The following TMEM131L variants were observed in gnomAD, a reference collection of about 807,000 sequenced individuals.
TMEM131L encodes transmembrane protein 131-like.
A neutral mutation model predicts 192.2 loss-of-function variants in TMEM131L; 54 were observed. The ratio of observed to expected loss-of-function variants is 0.28; its 90% CI spans 0.23 to 0.35. The LOEUF (loss-of-function observed/expected upper bound fraction) is 0.35. TMEM131L is among the 10% of genes least tolerant of loss of function. The pLI is 1.00. For synonymous variants in TMEM131L, 701 were observed against 704.9 expected, an observed-to-expected ratio of 0.99 and a Z score of 0.09; for missense variants, 1,888 against 1,972.9, an observed-to-expected ratio of 0.96 and a Z score of 0.82.
At chr4:153,519,291 G>T (rs1378150306) in intron 3 of TMEM131L, among the ~76,000 whole-genome samples, 5 of 152,154 alleles carry the variant, frequency 3.3e-5, no homozygotes, top group Non-Finnish European at 7.3e-5. Flanking sequence ...GTTGCAGCTT[G>T]GGGCCAAGCT....
chr4:153,522,493 C>A (rs1192046766), intron 3 of TMEM131L, among the ~76,000 whole-genome samples: 3 of 152,108 alleles, frequency 2.0e-5, no homozygotes, highest in African/African-American at 7.2e-5. Context: ...CCCTGGGACT[C>A]GGTCTGTGTG....
intron 3 of TMEM131L, among the ~76,000 whole-genome samples, chr4:153,498,965 T>G (rs1580076665): frequency 6.6e-6 from 1 of 152,372 alleles, no homozygotes; most frequent in East Asian, 1.9e-4. Flanking sequence ...TTGGGGTATG[T>G]AAGCCTGGAA....
intron 3 of TMEM131L, among the ~76,000 whole-genome samples, chr4:153,549,148 G>A (rs576786543): frequency 3.3e-5 from 5 of 151,904 alleles, no homozygotes; most frequent in Non-Finnish European, 5.9e-5. Flanking sequence ...AAATTTTTTA[G>A]TAGAGATAGG....
At chr4:153,621,411 G>C (rs1486965155) in intron 27 of TMEM131L, among the ~76,000 whole-genome samples, 1 of 152,206 alleles carries the variant, frequency 6.6e-6, no homozygotes, top group Non-Finnish European at 1.5e-5. Context: ...TGACAAGCTG[G>C]TAAGGGGCAG....
chr4:153,491,018 C>T (rs1027657089), intron 3 of TMEM131L, among the ~76,000 whole-genome samples: 3 of 151,718 alleles, frequency 2.0e-5, no homozygotes, highest in East Asian at 3.9e-4. Flanking sequence ...AACAAGACCC[C>T]GTTCAGAGAT....
chr4:153,606,604 T>C (rs1254820635), intron 25 of TMEM131L, among the ~76,000 whole-genome samples: 1 of 152,218 alleles, frequency 6.6e-6, no homozygotes, highest in Non-Finnish European at 1.5e-5. Flanking sequence ...TGAGTAAATT[T>C]AATATGGGAG....
In TMEM131L at chr4:153,467,295, G is replaced by C; in HGVS notation, c.195+14G>C. On this transcript the variant is annotated intron_variant, in intron 2 of 34. Transcript: ENST00000409959. The stretch of plus-strand genomic sequence containing the variant: ...CTGCCCACTCAGGTGAGGACGACCA[G>C]GTGACAGGGCGGCTGTGGGTGTACG... 1 of 1,550,754 alleles carries C rather than the reference G, an allele frequency of 6.4e-7. No individual in the cohort carries two copies. Among genetic ancestry groups the C allele is most frequent in the Non-Finnish European group, 8.7e-7 (1 of 1,146,122 alleles).
chr4:153,578,522 G>GT (rs34872169), intron 7 of TMEM131L, among the ~76,000 whole-genome samples: 7,758 of 127,766 alleles, frequency 0.061, 532 homozygotes, highest in East Asian at 0.16. Flanking sequence ...TGCCCAGCTA[G>GT]TTTTTTTTTT....
chr4:153,621,407 G>A (rs990986861), intron 27 of TMEM131L, among the ~76,000 whole-genome samples: 1 of 152,190 alleles, frequency 6.6e-6, no homozygotes, highest in East Asian at 1.9e-4. Flanking sequence ...GGTTTGACAA[G>A]CTGGTAAGGG....
chr4:153,497,727 A>G (rs1733276373), intron 3 of TMEM131L, among the ~76,000 whole-genome samples: 1 of 152,192 alleles, frequency 6.6e-6, no homozygotes, highest in South Asian at 2.1e-4. Flanking sequence ...GAACGCACAG[A>G]CATGAGATTA....
At chr4:153,632,989 A>C (rs1014761334) in intron 32 of TMEM131L, 151 bp downstream of exon 32, 3 of 766,572 alleles carry the variant, frequency 3.9e-6, no homozygotes, top group African/African-American at 3.5e-5. Context: ...TGCCTTTTAG[A>C]GTTGCACTGG....
At chr4:153,490,348 ACTACT>A (rs973812254) in intron 3 of TMEM131L, among the ~76,000 whole-genome samples, 9 of 152,196 alleles carry the variant, frequency 5.9e-5, no homozygotes, top group African/African-American at 1.9e-4. Flanking sequence ...CTTTACAGTG[ACTACT>A]CTAGTCATTA....
At chr4:153,533,246 A>G (rs903580777) in intron 3 of TMEM131L, among the ~76,000 whole-genome samples, 4 of 152,190 alleles carry the variant, frequency 2.6e-5, no homozygotes, top group East Asian at 1.9e-4. Context: ...TGGCCTCCCA[A>G]AGTGCTGGGA....
intron 31 of TMEM131L, among the ~76,000 whole-genome samples, chr4:153,632,113 G>C (rs1398667795): frequency 2.6e-5 from 4 of 152,216 alleles, no homozygotes; most frequent in African/African-American, 7.2e-5. Flanking sequence ...AGGAGTTTGA[G>C]AGCAGCCTGG....
At chr4:153,473,711 G>A (rs943869920) in intron 2 of TMEM131L, 134 bp from the exon 3 acceptor site, 2 of 613,752 alleles carry the variant, frequency 3.3e-6, no homozygotes, top group Admixed American at 3.3e-5. Context: ...AGAATTGCTT[G>A]AACCCAGGAG....
chr4:153,548,313 T>A (rs1737346662), intron 3 of TMEM131L, among the ~76,000 whole-genome samples: 1 of 150,508 alleles, frequency 6.6e-6, no homozygotes, highest in African/African-American at 2.5e-5. Context: ...TTCTTTTTAT[T>A]TTTTTGAGAC....
At chr4:153,522,823 C>T (rs558934076) in intron 3 of TMEM131L, among the ~76,000 whole-genome samples, 308 of 152,284 alleles carry the variant, frequency 2.0e-3, no homozygotes, top group African/African-American at 7.1e-3. Flanking sequence ...TTTGTGAAGT[C>T]CCCTTCCTGG....
At chr4:153,619,490 A>G (rs917839853) in intron 26 of TMEM131L, among the ~76,000 whole-genome samples, 37 of 152,244 alleles carry the variant, frequency 2.4e-4, no homozygotes, top group African/African-American at 8.0e-4. Context: ...CTTCAGAATC[A>G]GAAAAAGGTT....
chr4:153,547,673 A>T (rs932741518), intron 3 of TMEM131L, among the ~76,000 whole-genome samples: 1 of 152,250 alleles, frequency 6.6e-6, no homozygotes, highest in East Asian at 1.9e-4. Context: ...CTGGAAGGTG[A>T]TGGCCATAGG....
Sources: allele counts gnomAD v4.1 joint callset (sites outside exome capture counted in the v4.1 genomes callset), GRCh38; gene constraint gnomAD v4.1.1; transcripts MANE v1.5; gene names NCBI Gene and HGNC (gene_info 2026-07-23, HGNC 2026-07-21).